ARHGAP15: variants seen among roughly 807,000 people sequenced by gnomAD.
ARHGAP15 encodes the protein rho GTPase-activating protein 15.
Under a neutral mutation model 63.7 loss-of-function variants are expected in ARHGAP15, and 51 were observed. That is an observed-to-expected ratio of 0.80 (90% CI 0.64 to 1.01). ARHGAP15 has a LOEUF of 1.01. ARHGAP15 is among the 50% of genes least tolerant of loss of function. The pLI, the probability that ARHGAP15 is intolerant of heterozygous loss-of-function variation, is 0.00. For missense variants in ARHGAP15, 560 were observed against 564.6 expected, an observed-to-expected ratio of 0.99 and a Z score of 0.08; for synonymous variants, 191 against 193.8, an observed-to-expected ratio of 0.99 and a Z score of 0.12.
Position 143,645,640 on chromosome 2 carries a change from A to G in ARHGAP15, c.1138+21373A>G, listed in dbSNP as rs569442873. 3.9e-5 allele frequency among the ~76,000 whole-genome samples: 6 copies of G among 152,140 alleles called. No homozygotes were observed. The South Asian group carries it at 1.2e-3, about 32-fold the overall frequency. On this transcript the variant is annotated intron_variant, in intron 12 of 13. Coordinates refer to ENST00000295095, the MANE Select transcript of ARHGAP15 (RefSeq NM_018460.4). ...TTATTTTTCATTATCAAATATATAA[A>G]TTATACAAATTAATTAGATTCTTTT... is the stretch of plus-strand genomic sequence containing the variant.
chr2:143,616,294 G>T (rs372508840), intron 11 of ARHGAP15, among the ~76,000 whole-genome samples: 7 of 152,170 alleles, frequency 4.6e-5, no homozygotes, highest in East Asian at 1.9e-4. Flanking sequence ...GCAAGTTTCA[G>T]TTGCACCTAT....
intron 1 of ARHGAP15, among the ~76,000 whole-genome samples, chr2:143,140,258 G>A (rs114151613): frequency 0.01 from 1,551 of 152,202 alleles, 26 homozygotes; most frequent in African/African-American, 0.035. Context: ...TGGGCAAAGG[G>A]AAGAAGAGAT....
chr2:143,381,253 T>TC, intron 6 of ARHGAP15, among the ~76,000 whole-genome samples: 1 of 152,240 alleles, frequency 6.6e-6, no homozygotes. Flanking sequence ...AGATTTATAT[T>TC]CTCCCCAGAT....
intron 2 of ARHGAP15, among the ~76,000 whole-genome samples, chr2:143,167,831 G>A (rs1355616583): frequency 1.3e-5 from 2 of 152,120 alleles, no homozygotes; most frequent in Non-Finnish European, 2.9e-5. Flanking sequence ...TTGGAATGGT[G>A]TTTTTAATAG....
At chr2:143,411,277 G>C (rs1688433338) in intron 6 of ARHGAP15, among the ~76,000 whole-genome samples, 1 of 152,022 alleles carries the variant, frequency 6.6e-6, no homozygotes. Context: ...ATATTTTAAA[G>C]ACCATAGCAG....
At chr2:143,628,596 G>A (rs1698936133) in intron 12 of ARHGAP15, among the ~76,000 whole-genome samples, 1 of 152,134 alleles carries the variant, frequency 6.6e-6, no homozygotes, top group Non-Finnish European at 1.5e-5. Context: ...GCTTTGACCA[G>A]ACAGGGCCCA....
intron 10 of ARHGAP15, among the ~76,000 whole-genome samples, chr2:143,542,090 C>G (rs946536788): frequency 6.6e-6 from 1 of 152,216 alleles, no homozygotes; most frequent in African/African-American, 2.4e-5. Context: ...GCACCCCTCC[C>G]CCAGCCTCGC....
intron 10 of ARHGAP15, among the ~76,000 whole-genome samples, chr2:143,548,907 G>A (rs6708523): frequency 0.29 from 43,496 of 151,560 alleles, 6,846 homozygotes; most frequent in African/African-American, 0.43. Flanking sequence ...AGAAATGGAA[G>A]AGAAAACTAA....
intron 6 of ARHGAP15, among the ~76,000 whole-genome samples, chr2:143,310,880 T>G (rs1447752975): frequency 6.6e-6 from 1 of 152,048 alleles, no homozygotes; most frequent in African/African-American, 2.4e-5. Context: ...ATTTTGGAAC[T>G]ATTTCATTAA....
At chr2:143,670,744 C>A (rs1229027194) in intron 12 of ARHGAP15, among the ~76,000 whole-genome samples, 2 of 152,154 alleles carry the variant, frequency 1.3e-5, no homozygotes, top group Non-Finnish European at 2.9e-5. Context: ...ACAGAACATG[C>A]CCTGGCCTGT....
intron 12 of ARHGAP15, among the ~76,000 whole-genome samples, chr2:143,698,605 T>C (rs568213320): frequency 6.6e-6 from 1 of 152,182 alleles, no homozygotes; most frequent in African/African-American, 2.4e-5. Context: ...AGAATCACTA[T>C]TGGATGGAAA....
In ARHGAP15 at chr2:143,699,394, T is replaced by C. The variant is rs566806813; in HGVS notation, c.1139-4025T>C. Among the ~76,000 whole-genome samples the C allele has an allele frequency of 1.6e-4, 24 of 152,306 alleles. No homozygotes were observed. The East Asian group carries it at 1.7e-3, about 11-fold the overall frequency. The stretch of plus-strand genomic sequence containing the variant: ...TCCCCATTTAGCACTTAAGTATAAC[T>C]TGGCCACAAATATGCATGCACCAAT... On this transcript the variant is annotated intron_variant, in intron 12 of 13. Coordinates refer to ENST00000295095, the MANE Select transcript of ARHGAP15 (RefSeq NM_018460.4).
At chr2:143,275,286 A>G (rs1681489060) in intron 6 of ARHGAP15, among the ~76,000 whole-genome samples, 1 of 152,198 alleles carries the variant, frequency 6.6e-6, no homozygotes, top group South Asian at 2.1e-4. Context: ...GAGAGTAGCT[A>G]CTAAGTTGTC....
At position 143,435,655 on chromosome 2, in the gene ARHGAP15, A is replaced by T. The variant is rs375193013; in HGVS notation, c.529A>T (p.Ile177Leu). The T allele has an allele frequency of 6.2e-7, 1 of 1,604,932 alleles. No individual in the cohort carries two copies. Among genetic ancestry groups the T allele is most frequent in the South Asian group, 1.1e-5 (1 of 90,236 alleles). Reference sequence around the variant, plus strand: ...TCTACAGTCAGATATTGACTTCATCATATTGGATTGGTTCCACGCTATCAA... The same window carrying T: ...TCTACAGTCAGATATTGACTTCATCTTATTGGATTGGTTCCACGCTATCAA... ...FLLQSDIDFI[I>L]LDWFHAIKNA... Residue 177 changes from isoleucine (I) to leucine (L), a missense_variant, in exon 7 of 14, where the codon ATA (isoleucine) becomes TTA (leucine). By Grantham distance (5) the Ile-to-Leu change is conservative. Coordinates refer to ENST00000295095, the MANE Select transcript of ARHGAP15 (RefSeq NM_018460.4).
intron 6 of ARHGAP15, among the ~76,000 whole-genome samples, chr2:143,390,120 AG>A (rs1687472937): frequency 6.6e-6 from 1 of 152,138 alleles, no homozygotes. Context: ...TAAATATAAA[AG>A]AGATATGAGA....
At chr2:143,170,450 T>C (rs926505930) in intron 2 of ARHGAP15, among the ~76,000 whole-genome samples, 1 of 152,102 alleles carries the variant, frequency 6.6e-6, no homozygotes, top group African/African-American at 2.4e-5. Flanking sequence ...AAATACATGA[T>C]TGGACTGAGA....
intron 6 of ARHGAP15, among the ~76,000 whole-genome samples, chr2:143,348,483 C>T (rs530675528): frequency 4.6e-5 from 7 of 152,130 alleles, no homozygotes; most frequent in African/African-American, 1.4e-4. Flanking sequence ...CTGTTATTTT[C>T]AATTGTTAAT....
At chr2:143,663,030 G>A (rs1681915983) in intron 12 of ARHGAP15, among the ~76,000 whole-genome samples, 1 of 127,922 alleles carries the variant, frequency 7.8e-6, no homozygotes, top group South Asian at 2.8e-4. Context: ...ATCTAGCAAG[G>A]CAGGCCAACG....
chr2:143,737,963 G>T (rs897947101), intron 13 of ARHGAP15, among the ~76,000 whole-genome samples: 1 of 152,052 alleles, frequency 6.6e-6, no homozygotes, highest in East Asian at 1.9e-4. Context: ...TCACCATGCC[G>T]GTCAGGTTGG....
Sources: gnomAD v4.1 joint callset for allele counts (sites outside exome capture counted in the v4.1 genomes callset) on GRCh38, gnomAD v4.1.1 for gene constraint, MANE v1.5 for transcripts, NCBI Gene and HGNC (gene_info 2026-07-23, HGNC 2026-07-21) for gene names.